CPM: variants seen among roughly 807,000 people sequenced by gnomAD.
CPM encodes carboxypeptidase M, also known as renal carboxypeptidase.
CPM carries 35 observed loss-of-function variants against 46.4 expected under a neutral mutation model. The observed-to-expected ratio is 0.75, with a 90% confidence interval of 0.58 to 1.00. CPM has a LOEUF of 1.00. CPM is among the 50% of genes least tolerant of loss of function. CPM has a pLI of 0.00. For synonymous variants in CPM, 195 were observed against 195.3 expected (o/e 1.00, Z 0.01); for missense variants, 422 against 530.4 (o/e 0.80, Z 2.01).
chr12:68,959,866 C>A (rs1019637213), intron 1 of CPM, among the ~76,000 whole-genome samples: 1 of 152,168 alleles, frequency 6.6e-6, no homozygotes, highest in Non-Finnish European at 1.5e-5. Context: ...CTGCTATATC[C>A]CCAGGCGTCT....
chr12:68,930,995 C>T (rs182561547), intron 2 of CPM, among the ~76,000 whole-genome samples: 1 of 152,176 alleles, frequency 6.6e-6, no homozygotes, highest in Admixed American at 6.5e-5. Context: ...AATTGCTCTA[C>T]TCTAGCCCTA....
intron 3 of CPM, among the ~76,000 whole-genome samples, chr12:68,883,767 C>T (rs1049256142): frequency 6.6e-6 from 1 of 151,978 alleles, no homozygotes; most frequent in African/African-American, 2.4e-5. Flanking sequence ...AAAAAAACTA[C>T]TAAAGACAAT....
At chr12:68,842,690 GATATAT>G in intron 5 of CPM, 1 of 202,742 alleles carries the variant, frequency 4.9e-6, no homozygotes, top group Non-Finnish European at 1.0e-5. Flanking sequence ...TATGGCTAGT[GATATAT>G]ATAAAGTAAA....
At chr12:68,880,839 G>A (rs1886158091) in intron 3 of CPM, among the ~76,000 whole-genome samples, 1 of 152,212 alleles carries the variant, frequency 6.6e-6, no homozygotes, top group South Asian at 2.1e-4. Flanking sequence ...AGCACTGTTT[G>A]AGGAGGCAAC....
intron 7 of CPM, among the ~76,000 whole-genome samples, chr12:68,860,019 T>G (rs981632545): frequency 2.6e-5 from 4 of 152,298 alleles, no homozygotes; most frequent in Middle Eastern, 3.4e-3. Context: ...GCTCAATAAT[T>G]ATTTATTAGG....
chr12:68,947,291 T>C (rs930776228), intron 1 of CPM, among the ~76,000 whole-genome samples: 2 of 152,216 alleles, frequency 1.3e-5, no homozygotes, highest in African/African-American at 2.4e-5. Flanking sequence ...CAGATATCTT[T>C]GCACACATTA....
At chr12:68,885,463 G>A (rs1004146669) in intron 3 of CPM, among the ~76,000 whole-genome samples, 2 of 152,178 alleles carry the variant, frequency 1.3e-5, no homozygotes, top group African/African-American at 2.4e-5. Context: ...CCAGGAGGTG[G>A]GAAAACTTAA....
At chr12:68,866,855 AT>A (rs1885472013) in intron 7 of CPM, 40 bp downstream of exon 7, 1 of 1,563,196 alleles carries the variant, frequency 6.4e-7, no homozygotes, top group Non-Finnish European at 8.8e-7. Flanking sequence ...CAGATGCTCT[AT>A]TTTGTATTAA....
At chr12:68,906,855 G>A (rs966053180) in intron 2 of CPM, among the ~76,000 whole-genome samples, 2 of 152,202 alleles carry the variant, frequency 1.3e-5, no homozygotes, top group African/African-American at 2.4e-5. Context: ...GTCCCCTGTG[G>A]TGCATCCATG....
intron 2 of CPM, among the ~76,000 whole-genome samples, chr12:68,899,721 C>T (rs982241267): frequency 6.6e-5 from 10 of 152,182 alleles, no homozygotes; most frequent in Admixed American, 5.9e-4. Flanking sequence ...ATGGGTGAGC[C>T]TTGCTTGATT....
intron 2 of CPM, among the ~76,000 whole-genome samples, chr12:68,914,888 T>G (rs927326155): frequency 6.6e-6 from 1 of 152,028 alleles, no homozygotes; most frequent in Non-Finnish European, 1.5e-5. Context: ...GGCAAGTCAC[T>G]TTTTTCTGAG....
At chr12:68,932,917 C>T (rs1472303050) in intron 1 of CPM, 77 bp from the exon 2 acceptor site, 2 of 1,392,360 alleles carry the variant, frequency 1.4e-6, no homozygotes, top group South Asian at 1.2e-5. Flanking sequence ...CGTCTCGGTA[C>T]TCCGGTCTCA....
chr12:68,865,484 C>G (rs1885396552), intron 7 of CPM, among the ~76,000 whole-genome samples: 1 of 152,182 alleles, frequency 6.6e-6, no homozygotes, highest in Non-Finnish European at 1.5e-5. Flanking sequence ...TGGCCCTGTG[C>G]TACCTTCCCT....
intron 1 of CPM, among the ~76,000 whole-genome samples, chr12:68,938,714 G>A (rs1888710836): frequency 6.6e-6 from 1 of 151,646 alleles, no homozygotes; most frequent in African/African-American, 2.4e-5. Context: ...TATAGAGTAA[G>A]CACAGTTCAA....
In CPM at chr12:68,920,862, T is replaced by TA. The variant is rs1888012064; in HGVS notation, c.160+11815_160+11816insT. On this transcript the variant is annotated intron_variant, in intron 2 of 8. Coordinates refer to ENST00000551568, the MANE Select transcript of CPM (RefSeq NM_198320.5). ...TGCACCACCATGCCTGGCTAATTTT[T>TA]TTTTTTTTTGCATTTTTTTAGTACA... Among the ~76,000 whole-genome samples the TA allele has an allele frequency of 3.3e-5, 5 of 151,634 alleles. No homozygotes were observed. In the South Asian group the frequency reaches 1.0e-3, roughly 32 times the overall value.
chr12:68,941,955 G>T (rs1888771596), intron 1 of CPM, among the ~76,000 whole-genome samples: 1 of 152,206 alleles, frequency 6.6e-6, no homozygotes, highest in Non-Finnish European at 1.5e-5. Flanking sequence ...AAGCTGGATG[G>T]TTTTTGTTAA....
chr12:68,926,703 C>T (rs1265247002), intron 2 of CPM, among the ~76,000 whole-genome samples: 1 of 152,032 alleles, frequency 6.6e-6, no homozygotes, highest in Non-Finnish European at 1.5e-5. Context: ...CTAATGCTAT[C>T]CCTCCCCGCT....
rs528640395 is a variant in CPM at position 68,871,873 on chromosome 12, G to C, written c.342C>G (p.Ile114Met). ...GCATGATGTGTATCCGGGTACTATT[G>C]ATCAGATTTGTGATTTCAGGGTCTT... ...DGKDPEITNL[I>M]NSTRIHIMPS... The change falls in exon 4 of 9, where the codon ATC becomes ATG. Residue 114 changes from isoleucine to methionine, a missense_variant. Coordinates refer to ENST00000551568, the MANE Select transcript of CPM (RefSeq NM_198320.5). 2 of 1,614,116 alleles carry C rather than the reference G, an allele frequency of 1.2e-6. No homozygotes were observed. Among genetic ancestry groups the C allele is most frequent in the Admixed American group, 3.3e-5 (2 of 60,016 alleles).
downstream of CPM, chr12:68,848,786 CA>C (rs1884502934): frequency 6.6e-6 from 1 of 152,194 alleles, no homozygotes; most frequent in African/African-American, 2.4e-5. Flanking sequence ...GATCTCGGCT[CA>C]CTGCAACCTC....
Sources: gnomAD v4.1 joint callset for allele counts (sites outside exome capture counted in the v4.1 genomes callset) on GRCh38, gnomAD v4.1.1 for gene constraint, MANE v1.5 for transcripts, NCBI Gene and HGNC (gene_info 2026-07-23, HGNC 2026-07-21) for gene names.